The following CDH13 variants were observed in gnomAD, a reference collection of about 807,000 sequenced individuals.
CDH13 encodes the protein cadherin 13, also known as cadherin-13.
In CDH13, 24 loss-of-function variants were observed where a neutral mutation model predicts 63.8. The observed-to-expected ratio is 0.38, with a 90% CI of 0.27 to 0.53. The LOEUF (loss-of-function observed/expected upper bound fraction) is 0.53. CDH13 is among the 20% of genes least tolerant of loss of function. CDH13 has a pLI of 0.85. For synonymous variants in CDH13, 503 were observed against 355.3 expected, an observed-to-expected ratio of 1.42 and a Z score of -4.67; for missense variants, 1,049 against 903.1, an observed-to-expected ratio of 1.16 and a Z score of -2.07.
chr16:83,678,012 A>G (rs1420467667), intron 9 of CDH13, among the ~76,000 whole-genome samples, 196 bp from the exon 10 acceptor site: 1 of 152,134 alleles, frequency 6.6e-6, no homozygotes, highest in African/African-American at 2.4e-5. Flanking sequence ...ACCAACATCC[A>G]TACTTAATCT....
chr16:83,584,725 C>G (rs1467304560), intron 7 of CDH13, among the ~76,000 whole-genome samples: 1 of 152,112 alleles, frequency 6.6e-6, no homozygotes, highest in African/African-American at 2.4e-5. Flanking sequence ...CAAAGAAATA[C>G]CTGAGACTGG....
At chr16:82,810,902 A>T (rs1483269874) in intron 1 of CDH13, among the ~76,000 whole-genome samples, 1 of 152,098 alleles carries the variant, frequency 6.6e-6, no homozygotes, top group African/African-American at 2.4e-5. Context: ...AGGTATCAGG[A>T]CATGGAGGTC....
chr16:83,790,067 T>A (rs1246438174), intron 13 of CDH13: 1 of 148,582 alleles, frequency 6.7e-6, no homozygotes, highest in Non-Finnish European at 1.5e-5. Context: ...CAACCAAACA[T>A]GCTGATGTGT....
intron 7 of CDH13, among the ~76,000 whole-genome samples, chr16:83,557,501 A>G (rs967538069): frequency 5.9e-5 from 9 of 152,282 alleles, no homozygotes; most frequent in East Asian, 1.9e-4. Flanking sequence ...ATGTTACATT[A>G]TATGTACTAT....
In CDH13 at chr16:83,038,292, C is replaced by T. The variant is rs1350318436; in HGVS notation, c.366+6074C>T. Among the ~76,000 whole-genome samples, 8 of 152,278 alleles carry T rather than the reference C, an allele frequency of 5.3e-5. 1 individual carries two copies. In the East Asian group the frequency reaches 1.5e-3, roughly 29 times the overall value. ...CCCTGTCTCACCTGCAAAACATATA[C>T]CCCAAATCTGTGAGGTCTGATTGTT... On this transcript the variant is annotated intron_variant, in intron 3 of 13. Coordinates refer to ENST00000567109, the MANE Select transcript of CDH13 (RefSeq NM_001257.5).
intron 3 of CDH13, among the ~76,000 whole-genome samples, chr16:83,064,784 C>T (rs2031860459): frequency 1.3e-5 from 2 of 152,120 alleles, no homozygotes; most frequent in South Asian, 4.2e-4. Flanking sequence ...TGTTTTGATA[C>T]ATGTATAAAA....
chr16:83,565,338 C>T (rs757948834), intron 7 of CDH13, among the ~76,000 whole-genome samples: 48 of 152,022 alleles, frequency 3.2e-4, no homozygotes, highest in African/African-American at 1.1e-3. Context: ...CCCTGACAAC[C>T]CTGACCTCAC....
chr16:83,131,564 A>G (rs2036054263), intron 4 of CDH13, among the ~76,000 whole-genome samples: 1 of 152,162 alleles, frequency 6.6e-6, no homozygotes, highest in Non-Finnish European at 1.5e-5. Flanking sequence ...TTGCATCTTT[A>G]AAGATTTTTG....
At chr16:82,791,331 A>G (rs1271131996) in intron 1 of CDH13, among the ~76,000 whole-genome samples, 2 of 152,140 alleles carry the variant, frequency 1.3e-5, no homozygotes, top group East Asian at 1.9e-4. Flanking sequence ...GCTCACACCC[A>G]ACAAATCAGG....
Position 82,963,216 on chromosome 16 carries a change from CAA to C in CDH13, c.158-68781_158-68780del, listed in dbSNP as rs397775475. 3.8e-3 allele frequency among the ~76,000 whole-genome samples: 498 copies of C among 132,380 alleles called. 6 individuals carry two copies. Among genetic ancestry groups the C allele is most frequent in the African/African-American group, 0.013 (472 of 36,752 alleles). 86.8% of individuals were successfully genotyped at this position (132,380 alleles called of 152,430 possible). ...TGAAACCCCATCTCTACTAAAAATA[CAA>C]AAAAAAAAAAAATTGCCAGGTGTGG... On this transcript the variant is annotated intron_variant, in intron 2 of 13. Coordinates refer to ENST00000567109, the MANE Select transcript of CDH13 (RefSeq NM_001257.5).
intron 10 of CDH13, among the ~76,000 whole-genome samples, chr16:83,737,337 G>C (rs1179195442): frequency 6.6e-6 from 1 of 152,156 alleles, no homozygotes; most frequent in Non-Finnish European, 1.5e-5. Flanking sequence ...AAGTTACTAA[G>C]AGCCTTCCAA....
At chr16:83,192,645 C>T (rs1473571779) in intron 4 of CDH13, among the ~76,000 whole-genome samples, 1 of 152,130 alleles carries the variant, frequency 6.6e-6, no homozygotes, top group African/African-American at 2.4e-5. Flanking sequence ...GTGTTGCTGA[C>T]TTTAACAGGG....
At chr16:83,314,025 T>G (rs2090054959) in intron 5 of CDH13, among the ~76,000 whole-genome samples, 1 of 152,248 alleles carries the variant, frequency 6.6e-6, no homozygotes, top group South Asian at 2.1e-4. Flanking sequence ...ATTGTTGTTC[T>G]GTATATCAAC....
intron 10 of CDH13, among the ~76,000 whole-genome samples, chr16:83,745,668 T>C (rs914837664): frequency 1.3e-5 from 2 of 152,160 alleles, no homozygotes; most frequent in African/African-American, 4.8e-5. Flanking sequence ...CCATCCCTTC[T>C]TCAGTGACCA....
chr16:83,738,990 T>G (rs1017223094), intron 10 of CDH13, among the ~76,000 whole-genome samples: 1 of 152,190 alleles, frequency 6.6e-6, no homozygotes, highest in South Asian at 2.1e-4. Flanking sequence ...ACCATTTCCT[T>G]GTCCTGATCA....
chr16:82,637,470 A>G (rs1329527237), intron 1 of CDH13, among the ~76,000 whole-genome samples: 3 of 111,040 alleles, frequency 2.7e-5, no homozygotes, highest in Admixed American at 1.3e-4. Context: ...TGGCTCTGTC[A>G]CCCAGGCTGG....
At chr16:83,089,201 G>T (rs1384529728) in intron 3 of CDH13, among the ~76,000 whole-genome samples, 1 of 152,198 alleles carries the variant, frequency 6.6e-6, no homozygotes, top group Admixed American at 6.5e-5. Context: ...CAGGCTCACA[G>T]GTAGTGAATG....
In CDH13 at chr16:83,797,946, C is replaced by T. The variant is rs140503903; in HGVS notation, c.*2916C>T. ...TTTCAATAAAAGTCACCTTCAATACCGCCAGTTCTCTCCAAATGAGCATCA... is the reference window on the plus strand; with the variant it reads ...TTTCAATAAAAGTCACCTTCAATACTGCCAGTTCTCTCCAAATGAGCATCA... On this transcript the variant is annotated 3_prime_UTR_variant, in exon 14 of 14. Coordinates refer to ENST00000567109, the MANE Select transcript of CDH13 (RefSeq NM_001257.5). 37 of 152,196 alleles carry T rather than the reference C, an allele frequency of 2.4e-4. No homozygotes were observed. Among genetic ancestry groups the T allele is most frequent in the African/African-American group, 7.0e-4 (29 of 41,512 alleles). The allele number at this position is 152,196 out of a possible 1,614,324, so 9.4% of individuals were successfully genotyped here. A position where few individuals can be genotyped will look rare whatever the true frequency, so the allele number is the denominator to read the frequency against.
chr16:83,219,265 A>T (rs969469366), intron 5 of CDH13, among the ~76,000 whole-genome samples: 1 of 152,160 alleles, frequency 6.6e-6, no homozygotes, highest in Non-Finnish European at 1.5e-5. Context: ...GTAATTGCTA[A>T]ACAGCTAATA....
Sources: allele counts gnomAD v4.1 joint callset (sites outside exome capture counted in the v4.1 genomes callset), GRCh38; gene constraint gnomAD v4.1.1; transcripts MANE v1.5; gene names NCBI Gene and HGNC (gene_info 2026-07-23, HGNC 2026-07-21).